RBM33: variants seen among roughly 807,000 people sequenced by gnomAD.
The protein encoded by RBM33 is RNA-binding protein 33.
RBM33 carries 28 observed loss-of-function variants against 132.6 expected under a neutral mutation model. That is an observed-to-expected ratio of 0.21 (90% CI 0.16 to 0.29). The LOEUF is 0.29. Ranked by LOEUF, RBM33 falls within the 10% of genes least tolerant of loss-of-function variation. The pLI, the probability that RBM33 is intolerant of heterozygous loss-of-function variation, is 1.00. For synonymous variants in RBM33, 634 were observed against 593.0 expected (o/e 1.07, Z -1.01); for missense variants, 1,291 against 1,518.5 (o/e 0.85, Z 2.49).
At chr7:155,723,601 G>A (rs1408538434) in intron 9 of RBM33, among the ~76,000 whole-genome samples, 5 of 152,160 alleles carry the variant, frequency 3.3e-5, no homozygotes, top group African/African-American at 4.8e-5. Context: ...AAACACTATG[G>A]TAACAGCTAT....
In RBM33 at chr7:155,644,845, G is replaced by C. The variant is rs575213138; in HGVS notation, c.-32G>C. 3.3e-4 allele frequency: 484 copies of C among 1,473,324 alleles called. 6 individuals carry two copies. The East Asian group carries it at 0.013, about 41-fold the overall frequency. 91.3% of individuals were successfully genotyped at this position (1,473,324 alleles called of 1,614,324 possible). A position where few individuals can be genotyped will look rare whatever the true frequency, so the allele number is the denominator to read the frequency against. ...CGTCGGCCCACCAGCTGGCTTGGTG[G>C]GGGAGGCTGAAGGCCGGGCCCCGCG... On this transcript the variant is annotated 5_prime_UTR_variant, in exon 1 of 18. Transcript: ENST00000401878.
intron 1 of RBM33, among the ~76,000 whole-genome samples, chr7:155,650,318 T>C (rs1428618074): frequency 6.6e-6 from 1 of 152,196 alleles, no homozygotes; most frequent in Non-Finnish European, 1.5e-5. Context: ...CTGACTGCCA[T>C]CCCCAGTGCT....
chr7:155,707,789 T>C (rs560530016), intron 7 of RBM33, among the ~76,000 whole-genome samples: 2 of 152,330 alleles, frequency 1.3e-5, no homozygotes, highest in African/African-American at 4.8e-5. Flanking sequence ...CTTTAGTAGC[T>C]GGGATTACAG....
intron 14 of RBM33, among the ~76,000 whole-genome samples, chr7:155,758,500 C>T (rs1470725374): frequency 1.3e-5 from 2 of 152,176 alleles, no homozygotes; most frequent in South Asian, 4.1e-4. Context: ...GTGAGAATGC[C>T]GCTGCTGATC....
At chr7:155,717,242 A>G (rs957816307) in intron 8 of RBM33, among the ~76,000 whole-genome samples, 1 of 152,138 alleles carries the variant, frequency 6.6e-6, no homozygotes, top group Admixed American at 6.6e-5. Flanking sequence ...ATTTTCTCGC[A>G]GTTCCGGAGG....
chr7:155,697,188 G>A (rs559779038), intron 5 of RBM33, among the ~76,000 whole-genome samples: 1 of 133,278 alleles, frequency 7.5e-6, no homozygotes, highest in East Asian at 2.0e-4. Flanking sequence ...CCCACCTCCT[G>A]GAGGAGGAGG....
At chr7:155,738,921 T>G (rs1300760225) in intron 11 of RBM33, 1 of 156,792 alleles carries the variant, frequency 6.4e-6, no homozygotes, top group Non-Finnish European at 1.4e-5. Context: ...CATCGGCTTC[T>G]GCTTCATGGG....
chr7:155,764,037 C>T lies in RBM33; in HGVS notation c.3186+19C>T, dbSNP rs760889122. 1 of 1,496,106 alleles carries T rather than the reference C, an allele frequency of 6.7e-7. No individual in the cohort carries two copies. The highest frequency in any genetic ancestry group is 8.9e-7 in the Non-Finnish European group (1 of 1,120,020). The allele number at this position is 1,496,106 out of a possible 1,614,324, so 92.7% of individuals were successfully genotyped here. A position where few individuals can be genotyped will look rare whatever the true frequency, so the allele number is the denominator to read the frequency against. ...GAAGAAGGTACTGCTTGTTGCCTCG[C>T]ACGCAGCCCTGGAAACGCGAAGGCC... is the stretch of plus-strand genomic sequence containing the variant. On this transcript the variant is annotated intron_variant, in intron 15 of 17. Transcript: ENST00000401878.
intron 2 of RBM33, among the ~76,000 whole-genome samples, chr7:155,667,526 C>T (rs1444837611): frequency 9.9e-5 from 15 of 152,178 alleles, no homozygotes; most frequent in African/African-American, 3.4e-4. Flanking sequence ...CAGGATCATA[C>T]ATTGCATTTT....
At chr7:155,702,181 C>T (rs1179784866) in intron 6 of RBM33, among the ~76,000 whole-genome samples, 1 of 152,120 alleles carries the variant, frequency 6.6e-6, no homozygotes, top group African/African-American at 2.4e-5. Context: ...TTTTTAAAAC[C>T]ATTATTCATA....
intron 2 of RBM33, 62 bp from the exon 3 acceptor site, chr7:155,672,805 A>G: frequency 8.5e-7 from 1 of 1,179,902 alleles, no homozygotes; most frequent in Non-Finnish European, 1.2e-6. Flanking sequence ...TTTCCAAGTG[A>G]TCTACAAACT....
chr7:155,766,672 G>A lies in RBM33; in HGVS notation c.3375+17G>A. On this transcript the variant is annotated intron_variant, in intron 16 of 17. Coordinates refer to ENST00000401878, the MANE Select transcript of RBM33 (RefSeq NM_053043.3). ...CCCATTCAGGTAGCCGCCTGGGGGT[G>A]GCATCTGTGCCACGGGTAGTTGTGT... 1 of 1,601,592 alleles carries A rather than the reference G, an allele frequency of 6.2e-7. No homozygotes were observed.
chr7:155,761,290 T>G (rs1235687579), intron 14 of RBM33, among the ~76,000 whole-genome samples: 1 of 152,226 alleles, frequency 6.6e-6, no homozygotes, highest in African/African-American at 2.4e-5. Context: ...TTTTGATGCC[T>G]TTGGCCTTGT....
chr7:155,769,141 A>G (rs557409219), intron 16 of RBM33, among the ~76,000 whole-genome samples: 2 of 152,332 alleles, frequency 1.3e-5, no homozygotes, highest in East Asian at 3.9e-4. Context: ...GTCTTCCAAA[A>G]AGTTTCGAAC....
At chr7:155,711,176 C>T (rs1800277487) in intron 7 of RBM33, 27 bp from the exon 8 acceptor site, 2 of 1,475,230 alleles carry the variant, frequency 1.4e-6, no homozygotes, top group South Asian at 2.8e-5. Context: ...TTTGTAGACT[C>T]ATTCTCCAAG....
intron 1 of RBM33, 118 bp from the exon 2 acceptor site, chr7:155,665,057 T>C: frequency 1.4e-6 from 1 of 732,224 alleles, no homozygotes. Flanking sequence ...CATATGAAAC[T>C]TTTGTAATTT....
chr7:155,683,013 A>C (rs1419912443), intron 5 of RBM33, among the ~76,000 whole-genome samples: 1 of 152,158 alleles, frequency 6.6e-6, no homozygotes, highest in Non-Finnish European at 1.5e-5. Context: ...GAAGTAAAAA[A>C]AAAAAACTTA....
rs1453507965 is a variant in RBM33 at position 155,776,176 on chromosome 7, C to T, written c.*1135C>T. The T allele has an allele frequency of 3.3e-5, 5 of 152,628 alleles. No homozygotes were observed. Among genetic ancestry groups the T allele is most frequent in the African/African-American group, 1.2e-4 (5 of 41,448 alleles). The allele number at this position is 152,628 out of a possible 1,614,324, so 9.5% of individuals were successfully genotyped here. On this transcript the variant is annotated 3_prime_UTR_variant, in exon 18 of 18. Coordinates refer to ENST00000401878, the MANE Select transcript of RBM33 (RefSeq NM_053043.3). This position sits in a 1 kb window ranked among gnomAD's most constrained non-coding sequence, Gnocchi z 4.0. Reference sequence around the variant, plus strand: ...TAAAGCTACTGTAGTAGAATTCATTCTGGGCAAACACTGAAAAAAGTGCCT... The same window carrying T: ...TAAAGCTACTGTAGTAGAATTCATTTTGGGCAAACACTGAAAAAAGTGCCT...
chr7:155,761,443 T>A (rs1391723959), intron 14 of RBM33, among the ~76,000 whole-genome samples: 2 of 152,196 alleles, frequency 1.3e-5, no homozygotes, highest in Non-Finnish European at 2.9e-5. Context: ...GGGTCTTTGT[T>A]TTTCTTTGTG....
Sources: gnomAD v4.1 joint callset for allele counts (sites outside exome capture counted in the v4.1 genomes callset) on GRCh38, gnomAD v4.1.1 for gene constraint, Gnocchi (gnomAD v3.1) non-coding constraint, MANE v1.5 for transcripts, NCBI Gene and HGNC (gene_info 2026-07-23, HGNC 2026-07-21) for gene names.